CACNA1H: variants seen among roughly 807,000 people sequenced by gnomAD.
CACNA1H encodes voltage-dependent T-type calcium channel subunit alpha-1H.
A neutral mutation model predicts 192.5 loss-of-function variants in CACNA1H; 149 were observed. The observed-to-expected ratio is 0.77, with a 90% confidence interval of 0.68 to 0.89. CACNA1H has a LOEUF of 0.89. CACNA1H is among the 40% of genes least tolerant of loss of function. CACNA1H has a pLI of 0.00. For synonymous variants in CACNA1H, 2,202 were observed against 1,475.2 expected (o/e 1.49, Z -11.29); for missense variants, 4,257 against 3,423.5 (o/e 1.24, Z -6.08).
chr16:1,204,591 G>A (rs1226872433), intron 10 of CACNA1H, 133 bp downstream of exon 10: 6 of 685,210 alleles, frequency 8.8e-6, no homozygotes, highest in Admixed American at 3.1e-5. Context: ...GAAAGCCGGG[G>A]ATGGTGAGGA....
intron 25 of CACNA1H, 104 bp from the exon 26 acceptor site, chr16:1,212,407 G>T: frequency 7.9e-7 from 1 of 1,259,024 alleles, no homozygotes; most frequent in Middle Eastern, 1.9e-4. Flanking sequence ...TCCACGAGGA[G>T]CCAGCACAGC....
chr16:1,163,546 G>A (rs955479791), intron 2 of CACNA1H, among the ~76,000 whole-genome samples: 17 of 152,242 alleles, frequency 1.1e-4, no homozygotes, highest in East Asian at 1.9e-4. Flanking sequence ...GTGGAGGGGC[G>A]AGGGTCTCTC....
chr16:1,204,701 C>T (rs140382561), intron 10 of CACNA1H, among the ~76,000 whole-genome samples: 25 of 151,812 alleles, frequency 1.6e-4, no homozygotes, highest in African/African-American at 5.3e-4. Flanking sequence ...TGAGATGCTG[C>T]TGCAGCCCTC....
intron 2 of CACNA1H, among the ~76,000 whole-genome samples, chr16:1,160,489 C>T (rs1372677192): frequency 6.6e-6 from 1 of 152,168 alleles, no homozygotes; most frequent in African/African-American, 2.4e-5. Context: ...CTGCCCGGCT[C>T]AGGAGAGCTG....
At chr16:1,181,737 C>T (rs1019429717) in intron 2 of CACNA1H, among the ~76,000 whole-genome samples, 2 of 152,226 alleles carry the variant, frequency 1.3e-5, no homozygotes, top group African/African-American at 2.4e-5. Flanking sequence ...CCAACCTCTC[C>T]TTTCATTCCT....
At chr16:1,166,786 G>A (rs543092912) in intron 2 of CACNA1H, among the ~76,000 whole-genome samples, 3 of 152,158 alleles carry the variant, frequency 2.0e-5, no homozygotes, top group East Asian at 3.9e-4. Context: ...GGTTAGATGC[G>A]CCCTCATGTA....
At chr16:1,216,899 C>A in intron 30 of CACNA1H, 33 bp from the exon 31 acceptor site, 1 of 1,564,660 alleles carries the variant, frequency 6.4e-7, no homozygotes, top group East Asian at 2.3e-5. Context: ...CCTGCCCGCC[C>A]GTCTGACCCA....
At chr16:1,200,178 T>C in intron 6 of CACNA1H, 78 bp from the exon 7 acceptor site, 1 of 1,215,628 alleles carries the variant, frequency 8.2e-7, no homozygotes, top group Non-Finnish European at 1.1e-6. Flanking sequence ...ATCACGTCCC[T>C]GATCACAATC....
At chr16:1,190,321 A>G (rs1596367380) in intron 2 of CACNA1H, among the ~76,000 whole-genome samples, 1 of 152,270 alleles carries the variant, frequency 6.6e-6, no homozygotes, top group African/African-American at 2.4e-5. Context: ...CAGAAAATCC[A>G]TCTGTATGAT....
intron 2 of CACNA1H, among the ~76,000 whole-genome samples, chr16:1,184,672 C>G (rs1269690787): frequency 6.6e-6 from 1 of 152,242 alleles, no homozygotes. Flanking sequence ...TGAGGGCCTT[C>G]TGCTCAGCGA....
chr16:1,203,845 A>G (rs1325755579), intron 9 of CACNA1H, among the ~76,000 whole-genome samples, 165 bp from the exon 10 acceptor site: 1 of 152,148 alleles, frequency 6.6e-6, no homozygotes, highest in African/African-American at 2.4e-5. Context: ...ACCTGCAAAG[A>G]TCCTGCTTTC....
At chr16:1,185,055 T>C (rs7201107) in intron 2 of CACNA1H, among the ~76,000 whole-genome samples, 145,537 of 152,300 alleles carry the variant, frequency 0.96, 69,606 homozygotes, top group East Asian at 1. Flanking sequence ...CCAGCCCTGG[T>C]GGTCTCTACC....
intron 2 of CACNA1H, among the ~76,000 whole-genome samples, chr16:1,175,887 C>T (rs1432967922): frequency 6.6e-6 from 1 of 152,162 alleles, no homozygotes; most frequent in Non-Finnish European, 1.5e-5. Context: ...CCTTGGGCTG[C>T]CATTCCTCCT....
Position 1,213,813 on chromosome 16 carries a change from C to T in CACNA1H, c.4811C>T (p.Ser1604Leu), listed in dbSNP as rs373172616. 22 of 1,578,542 alleles carry T rather than the reference C, an allele frequency of 1.4e-5. 1 individual carries two copies. Among genetic ancestry groups the T allele is most frequent in the East Asian group, 4.6e-5 (2 of 43,164 alleles). The change falls in exon 27 of 35, where the codon TCG (serine) becomes TTG (leucine). Residue 1604 changes from serine (S) to leucine (L), a missense_variant. Physicochemically the swap from Ser to Leu is moderately radical, Grantham distance 145 (BLOSUM62 -2). Transcript: ENST00000348261. ...CGCCGGCCCTACTATGCCGACTACT[C>T]GCCCACGCGCCGCTCCATTCACTCG... ...AQRRPYYADYSPTRRSIHSLC... is the reference protein window; with the variant it reads ...AQRRPYYADYLPTRRSIHSLC...
chr16:1,219,558 C>T (rs1970312552), intron 34 of CACNA1H, among the ~76,000 whole-genome samples: 1 of 152,226 alleles, frequency 6.6e-6, no homozygotes, highest in South Asian at 2.1e-4. Context: ...GATGTCCCAG[C>T]CTTGCCCACC....
chr16:1,189,519 C>T (rs549140223), intron 2 of CACNA1H, among the ~76,000 whole-genome samples: 2 of 147,728 alleles, frequency 1.4e-5, no homozygotes, highest in Admixed American at 6.9e-5. Flanking sequence ...TGGGGTCAAG[C>T]GATCCTCCCA....
At chr16:1,183,632 G>A (rs1965693485) in intron 2 of CACNA1H, among the ~76,000 whole-genome samples, 1 of 152,244 alleles carries the variant, frequency 6.6e-6, no homozygotes, top group Non-Finnish European at 1.5e-5. Flanking sequence ...GGGGTCCGGG[G>A]GAGGCGCCGC....
chr16:1,196,095 A>G, intron 5 of CACNA1H, 72 bp downstream of exon 5: 1 of 1,219,714 alleles, frequency 8.2e-7, no homozygotes, highest in Admixed American at 1.8e-5. Flanking sequence ...GAGCTCTCAA[A>G]AGGGCCCCCA....
At chr16:1,181,135 G>A (rs941360910) in intron 2 of CACNA1H, among the ~76,000 whole-genome samples, 1 of 152,238 alleles carries the variant, frequency 6.6e-6, no homozygotes, top group Non-Finnish European at 1.5e-5. Context: ...CGTCCCAGGG[G>A]CAGGCGGCCG....
Sources: allele counts gnomAD v4.1 joint callset (sites outside exome capture counted in the v4.1 genomes callset), GRCh38; gene constraint gnomAD v4.1.1; transcripts MANE v1.5; gene names NCBI Gene and HGNC (gene_info 2026-07-23, HGNC 2026-07-21).